KAZN: variants seen among roughly 807,000 people sequenced by gnomAD.
The protein encoded by KAZN is kazrin, periplakin interacting protein, also known as kazrin.
In KAZN, 40 loss-of-function variants were observed where a neutral mutation model predicts 87.4. The ratio of observed to expected loss-of-function variants is 0.46; its 90% confidence interval spans 0.36 to 0.60. The LOEUF (loss-of-function observed/expected upper bound fraction) is 0.60, where lower values mean the gene tolerates loss of function less well. Ranked by LOEUF, KAZN falls within the 20% of genes least tolerant of loss-of-function variation. The pLI, the probability that KAZN is intolerant of heterozygous loss-of-function variation, is 0.00. For missense variants in KAZN, 898 were observed against 1,073.9 expected (o/e 0.84, Z 2.29); for synonymous variants, 466 against 458.3 (o/e 1.02, Z -0.22).
intron 2 of KAZN, among the ~76,000 whole-genome samples, chr1:14,474,668 G>A (rs142903500): frequency 8.6e-4 from 131 of 152,238 alleles, no homozygotes; most frequent in African/African-American, 3.1e-3. Context: ...CTTGAATTTG[G>A]GGAAATAATA....
Position 14,513,668 on chromosome 1 carries a change from T to C in KAZN, c.250-85315T>C, listed in dbSNP as rs56289311. ...TGCCGGATATTTTATACAGACTAGA[T>C]GTTGAAAACATATCATAGTAAGCAT... On this transcript the variant is annotated intron_variant, in intron 2 of 16. Transcript: ENST00000636203. 4.0e-3 allele frequency among the ~76,000 whole-genome samples: 615 copies of C among 152,292 alleles called. 4 individuals carry two copies. The highest frequency in any genetic ancestry group is 8.1e-3 in the Admixed American group (124 of 15,290).
intron 2 of KAZN, among the ~76,000 whole-genome samples, chr1:14,480,364 C>T (rs929283258): frequency 3.9e-5 from 6 of 152,124 alleles, no homozygotes; most frequent in African/African-American, 1.4e-4. Context: ...GATACTTTCT[C>T]TGGCCTCAAT....
intron 7 of KAZN, 120 bp downstream of exon 7, chr1:15,063,742 C>A: frequency 1.2e-6 from 1 of 815,610 alleles, no homozygotes. Context: ...AGGATTTATG[C>A]CACTTCCGCT....
intron 2 of KAZN, among the ~76,000 whole-genome samples, chr1:14,593,648 C>T (rs1262022844): frequency 6.6e-6 from 1 of 151,988 alleles, no homozygotes; most frequent in African/African-American, 2.4e-5. Context: ...ATTTCAAATT[C>T]CCAAATAAAT....
At chr1:14,796,628 A>G (rs1338515218) in intron 1 of KAZN, among the ~76,000 whole-genome samples, 2 of 152,220 alleles carry the variant, frequency 1.3e-5, no homozygotes, top group African/African-American at 4.8e-5. Flanking sequence ...AGCTCTATGT[A>G]TCGCCGTATT....
At chr1:15,050,633 C>G (rs1053476139) in intron 4 of KAZN, among the ~76,000 whole-genome samples, 2 of 152,170 alleles carry the variant, frequency 1.3e-5, no homozygotes, top group African/African-American at 4.8e-5. Context: ...AATGTGCCAC[C>G]TTCAGGCCCC....
rs61382779 is a variant in KAZN at position 14,478,317 on chromosome 1, A to AGAAG, written c.250-120649_250-120646dup. On this transcript the variant is annotated intron_variant, in intron 2 of 16. Transcript: ENST00000636203. Reference sequence around the variant, plus strand: ...TGGATGGGAGGATATATGGATGGATAGAAGGAAGGAAGGAAGGAAGAAAGG... The same window carrying AGAAG: ...TGGATGGGAGGATATATGGATGGATAGAAGGAAGGAAGGAAGGAAGGAAGAAAGG... 9.9e-3 allele frequency among the ~76,000 whole-genome samples: 1,444 copies of AGAAG among 146,250 alleles called. 21 individuals carry two copies. The highest frequency in any genetic ancestry group is 0.033 in the African/African-American group (1,333 of 39,956).
chr1:14,282,461 A>G (rs2100719371), intron 2 of KAZN, among the ~76,000 whole-genome samples: 1 of 152,358 alleles, frequency 6.6e-6, no homozygotes, highest in South Asian at 2.1e-4. Context: ...GTATTCAAGC[A>G]TCTTGCTCTG....
At chr1:15,097,625 C>A (rs553105457) in intron 10 of KAZN, among the ~76,000 whole-genome samples, 3 of 152,216 alleles carry the variant, frequency 2.0e-5, no homozygotes, top group South Asian at 2.1e-4. Context: ...TCGAGACCAG[C>A]CTAACCAACA....
intron 1 of KAZN, among the ~76,000 whole-genome samples, chr1:14,604,550 G>C (rs1415030132): frequency 2.0e-5 from 3 of 152,238 alleles, no homozygotes; most frequent in African/African-American, 7.2e-5. Context: ...GTGGAGGCGA[G>C]GTTGTGCTCT....
chr1:14,359,806 CT>C (rs1191999362), intron 2 of KAZN, among the ~76,000 whole-genome samples: 1 of 152,232 alleles, frequency 6.6e-6, no homozygotes, highest in Non-Finnish European at 1.5e-5. Context: ...GAGAGATCCA[CT>C]GTTAGTCTGA....
chr1:14,977,487 G>GT lies in KAZN; in HGVS notation c.418+16613dup, dbSNP rs201757781. On this transcript the variant is annotated intron_variant, in intron 2 of 14. Coordinates refer to ENST00000376030, the MANE Select transcript of KAZN (RefSeq NM_201628.3). ...AGCCCTGTCCTGGGCACTGACCTGTGTCTCCCTATTATGTGGCCACCAGAT... is the reference window on the plus strand; with the variant it reads ...AGCCCTGTCCTGGGCACTGACCTGTGTTCTCCCTATTATGTGGCCACCAGAT... Among the ~76,000 whole-genome samples the GT allele has an allele frequency of 5.4e-3, 820 of 152,334 alleles. 11 individuals are homozygous for GT. The highest frequency in any genetic ancestry group is 0.019 in the African/African-American group (776 of 41,590).
At chr1:13,901,712 G>A (rs1639256928) in intron 1 of KAZN, among the ~76,000 whole-genome samples, 2 of 152,208 alleles carry the variant, frequency 1.3e-5, no homozygotes, top group African/African-American at 4.8e-5. Flanking sequence ...CGGCATCAGC[G>A]ATACTCTTAA....
At chr1:14,112,158 C>A (rs1325473636) in intron 1 of KAZN, among the ~76,000 whole-genome samples, 1 of 134,862 alleles carries the variant, frequency 7.4e-6, no homozygotes, top group Non-Finnish European at 1.6e-5. Flanking sequence ...CTGGGTCTGA[C>A]CTTACCTACT....
chr1:14,784,675 C>T (rs1273133524), intron 1 of KAZN, among the ~76,000 whole-genome samples: 1 of 152,204 alleles, frequency 6.6e-6, no homozygotes, highest in Admixed American at 6.5e-5. Context: ...GGGAGGATCA[C>T]TTGAGCCCGG....
At chr1:14,135,689 G>A (rs1413494348) in intron 1 of KAZN, among the ~76,000 whole-genome samples, 4 of 152,270 alleles carry the variant, frequency 2.6e-5, no homozygotes, top group African/African-American at 9.6e-5. Flanking sequence ...TAGACCACTT[G>A]AACATTTTCT....
chr1:14,414,019 C>A (rs1664537815), intron 2 of KAZN, among the ~76,000 whole-genome samples: 1 of 152,184 alleles, frequency 6.6e-6, no homozygotes, highest in South Asian at 2.1e-4. Context: ...CTGGCAGGAA[C>A]CTTCTCCCCA....
intron 1 of KAZN, among the ~76,000 whole-genome samples, chr1:14,839,670 G>A (rs1313339946): frequency 2.6e-5 from 4 of 152,130 alleles, no homozygotes; most frequent in Non-Finnish European, 5.9e-5. Flanking sequence ...GTTTGTTATT[G>A]TTGTTGCTCT....
At chr1:14,214,052 A>G (rs1557565464) in intron 2 of KAZN, among the ~76,000 whole-genome samples, 2 of 152,218 alleles carry the variant, frequency 1.3e-5, no homozygotes, top group East Asian at 3.9e-4. Flanking sequence ...TGAGGTGCCT[A>G]TTAGACATGC....
Sources: gnomAD v4.1 joint callset for allele counts (sites outside exome capture counted in the v4.1 genomes callset) on GRCh38, gnomAD v4.1.1 for gene constraint, MANE v1.5 for transcripts, NCBI Gene and HGNC (gene_info 2026-07-23, HGNC 2026-07-21) for gene names.